The following LARGE1 variants were observed in gnomAD, a reference collection of about 807,000 sequenced individuals.
The protein encoded by LARGE1 is LARGE xylosyl- and glucuronyltransferase 1, also known as xylosyl- and glucuronyltransferase LARGE1.
In LARGE1, 43 loss-of-function variants were observed where a neutral mutation model predicts 87.6. The observed-to-expected ratio is 0.49, with a 90% CI of 0.38 to 0.63. LARGE1 has a LOEUF of 0.63. Ranked by LOEUF, LARGE1 falls within the 30% of genes least tolerant of loss-of-function variation. LARGE1 has a pLI of 0.00. For missense variants in LARGE1, 802 were observed against 1,000.2 expected, an observed-to-expected ratio of 0.80 and a Z score of 2.67; for synonymous variants, 434 against 394.6, an observed-to-expected ratio of 1.10 and a Z score of -1.18.
At chr22:33,877,036 C>T (rs1416891336) in intron 1 of LARGE1, among the ~76,000 whole-genome samples, 1 of 152,036 alleles carries the variant, frequency 6.6e-6, no homozygotes, top group African/African-American at 2.4e-5. Flanking sequence ...TTGCAGATGC[C>T]CCAACAACTG....
At chr22:33,287,245 C>T (rs1177731926) in intron 12 of LARGE1, among the ~76,000 whole-genome samples, 1 of 152,212 alleles carries the variant, frequency 6.6e-6, no homozygotes, top group African/African-American at 2.4e-5. Context: ...GTATTAGTTT[C>T]TGTTGCCTGC....
intron 2 of LARGE1, among the ~76,000 whole-genome samples, chr22:33,741,777 C>A (rs1324425997): frequency 6.6e-6 from 1 of 152,232 alleles, no homozygotes; most frequent in Admixed American, 6.5e-5. Flanking sequence ...AGAAAGAGCT[C>A]TGTCCTGCAA....
intron 12 of LARGE1, among the ~76,000 whole-genome samples, chr22:33,298,209 G>C (rs16992091): frequency 0.024 from 3,722 of 152,096 alleles, 136 homozygotes; most frequent in African/African-American, 0.082. Flanking sequence ...TCTCAGCCTC[G>C]TATCTGTGTG....
At chr22:33,611,379 T>C (rs149241254) in intron 4 of LARGE1, among the ~76,000 whole-genome samples, 1 of 152,388 alleles carries the variant, frequency 6.6e-6, no homozygotes, top group East Asian at 1.9e-4. Flanking sequence ...CAGTGTGCCC[T>C]AGGTATGGGA....
intron 6 of LARGE1, among the ~76,000 whole-genome samples, chr22:33,459,606 C>T: frequency 6.6e-6 from 1 of 152,002 alleles, no homozygotes; most frequent in Admixed American, 6.6e-5. Context: ...AATTCATACC[C>T]CCAATAGCAC....
At chr22:33,345,545 G>C (rs548291522) in intron 9 of LARGE1, among the ~76,000 whole-genome samples, 2 of 152,236 alleles carry the variant, frequency 1.3e-5, no homozygotes, top group East Asian at 3.8e-4. Flanking sequence ...TGGGCTGCAG[G>C]AGCTGCCAAG....
intron 6 of LARGE1, among the ~76,000 whole-genome samples, chr22:33,503,191 C>G (rs2070564237): frequency 6.6e-6 from 1 of 151,646 alleles, no homozygotes; most frequent in African/African-American, 2.4e-5. Context: ...CAGTGAAGAA[C>G]AGTGGCCAAG....
chr22:33,921,078 G>C (rs1048060876), upstream of LARGE1, among the ~76,000 whole-genome samples: 2 of 150,472 alleles, frequency 1.3e-5, no homozygotes, highest in Admixed American at 1.3e-4. The surrounding 1 kb of genome is among the most constrained non-coding windows in gnomAD (Gnocchi z 4.1). Context: ...AGCGGGGGCG[G>C]GGCCGGCGCC....
At chr22:33,095,540 C>T in the LARGE1 span, among the ~76,000 whole-genome samples, 1 of 152,318 alleles carries the variant, frequency 6.6e-6, no homozygotes, top group Non-Finnish European at 1.5e-5. Context: ...AGGGTTAAGA[C>T]TTCAAAAATA....
the LARGE1 span, among the ~76,000 whole-genome samples, chr22:33,082,974 G>A: frequency 1.7e-4 from 26 of 152,158 alleles, no homozygotes; most frequent in African/African-American, 6.3e-4. Context: ...GCAGTGAGCT[G>A]AGATCATGCC....
chr22:33,801,251 A>G (rs946449535), intron 1 of LARGE1, among the ~76,000 whole-genome samples: 2 of 152,188 alleles, frequency 1.3e-5, no homozygotes, highest in African/African-American at 4.8e-5. Context: ...TGTCTTTATC[A>G]GCCGCATGAA....
At chr22:33,802,685 G>A (rs907251990) in intron 1 of LARGE1, among the ~76,000 whole-genome samples, 1 of 152,096 alleles carries the variant, frequency 6.6e-6, no homozygotes, top group Middle Eastern at 3.2e-3. Flanking sequence ...ACCCACCAAG[G>A]TGAATTGGGC....
At chr22:33,451,171 T>G (rs1269589297) in intron 6 of LARGE1, among the ~76,000 whole-genome samples, 2 of 152,136 alleles carry the variant, frequency 1.3e-5, no homozygotes, top group African/African-American at 2.4e-5. Flanking sequence ...ACACTGCCTT[T>G]GAATAGTTTT....
chr22:33,088,405 C>T, the LARGE1 span, among the ~76,000 whole-genome samples: 4 of 152,150 alleles, frequency 2.6e-5, no homozygotes, highest in Non-Finnish European at 5.9e-5. Flanking sequence ...CACATATTTG[C>T]TGTGAGGATC....
chr22:33,654,694 T>TC, intron 2 of LARGE1, among the ~76,000 whole-genome samples: 1 of 152,208 alleles, frequency 6.6e-6, no homozygotes, highest in South Asian at 2.1e-4. Flanking sequence ...CCAGGAACGC[T>TC]CCTCAAGCTT....
intron 1 of LARGE1, among the ~76,000 whole-genome samples, chr22:33,849,167 T>C (rs1568984166): frequency 6.6e-6 from 1 of 152,182 alleles, no homozygotes; most frequent in Non-Finnish European, 1.5e-5. Flanking sequence ...TCATCAATAG[T>C]TAATGCTTTT....
intron 1 of LARGE1, among the ~76,000 whole-genome samples, chr22:33,840,220 A>AC (rs35528148): frequency 1.3e-5 from 2 of 152,232 alleles, no homozygotes; most frequent in South Asian, 4.1e-4. Flanking sequence ...CCAAATCGGC[A>AC]CCCCCTCAAG....
At chr22:33,630,990 C>A (rs917776234) in intron 3 of LARGE1, among the ~76,000 whole-genome samples, 5 of 151,844 alleles carry the variant, frequency 3.3e-5, no homozygotes, top group Non-Finnish European at 7.4e-5. Context: ...GTAGCTTGGA[C>A]TACAGGCGCC....
At chr22:33,705,820 GT>G (rs1434282548) in intron 2 of LARGE1, among the ~76,000 whole-genome samples, 2 of 152,176 alleles carry the variant, frequency 1.3e-5, no homozygotes, top group African/African-American at 4.8e-5. Context: ...ACATGATAAT[GT>G]TTTCGATGAT....
Sources: gnomAD v4.1 joint callset for allele counts (sites outside exome capture counted in the v4.1 genomes callset) on GRCh38, gnomAD v4.1.1 for gene constraint, Gnocchi (gnomAD v3.1) non-coding constraint, MANE v1.5 for transcripts, NCBI Gene and HGNC (gene_info 2026-07-23, HGNC 2026-07-21) for gene names.